The following CD8B variants were observed in gnomAD, a reference collection of about 807,000 sequenced individuals.
CD8B encodes the protein CD8 subunit beta.
In CD8B, 6 loss-of-function variants were observed where a neutral mutation model predicts 24.2. That is an observed-to-expected ratio of 0.25 (90% CI 0.14 to 0.49). The LOEUF is 0.49. CD8B is among the 20% of genes least tolerant of loss of function. CD8B has a pLI of 0.98. For synonymous variants in CD8B, 84 were observed against 108.3 expected, an observed-to-expected ratio of 0.78 and a Z score of 1.39; for missense variants, 196 against 271.3, an observed-to-expected ratio of 0.72 and a Z score of 1.95.
At chr2:86,848,270 C>T (rs1369019569) in intron 3 of CD8B, among the ~76,000 whole-genome samples, 8 of 152,184 alleles carry the variant, frequency 5.3e-5, no homozygotes, top group Non-Finnish European at 8.8e-5. Context: ...CCCTTGATAT[C>T]ATCAAAATGT....
chr2:86,836,402 C>T (rs10167692), downstream of CD8B, among the ~76,000 whole-genome samples: 22,421 of 152,012 alleles, frequency 0.15, 1,661 homozygotes, highest in East Asian at 0.21. Context: ...CAACTATGTC[C>T]ATCCTGGCCA....
rs146447863 is a variant in CD8B at position 86,843,066 on chromosome 2, G to A, written c.621-747C>T. On this transcript the variant is annotated intron_variant, in intron 5 of 5. Coordinates refer to ENST00000390655, the MANE Select transcript of CD8B (RefSeq NM_004931.5). ...GAGAGGGACTTACTTTCCATGAAAG[G>A]TCATCATGGGAGACATTTTGAAAGG... Among the ~76,000 whole-genome samples the A allele has an allele frequency of 1.9e-3, 290 of 152,236 alleles. 3 individuals are homozygous for A. Among genetic ancestry groups the A allele is most frequent in the African/African-American group, 6.7e-3 (279 of 41,534 alleles).
intron 5 of CD8B, among the ~76,000 whole-genome samples, chr2:86,826,047 C>T (rs574918781): frequency 2.0e-5 from 3 of 152,116 alleles, no homozygotes; most frequent in African/African-American, 7.2e-5. Context: ...CAAGCAGGCT[C>T]AGGTGCCCGT....
chr2:86,834,985 C>T (rs1439215768), downstream of CD8B, among the ~76,000 whole-genome samples: 3 of 150,892 alleles, frequency 2.0e-5, no homozygotes, highest in Non-Finnish European at 4.4e-5. Context: ...TGCACCCGCC[C>T]CACCAAATCG....
intron 4 of CD8B, 77 bp downstream of exon 4, chr2:86,846,607 C>T: frequency 1.5e-6 from 1 of 685,046 alleles, no homozygotes; most frequent in East Asian, 3.0e-5. Context: ...GCTCTGCTCC[C>T]CTAGAGAAGA....
intron 5 of CD8B, among the ~76,000 whole-genome samples, chr2:86,819,429 T>C (rs1674379612): frequency 6.6e-6 from 1 of 152,222 alleles, no homozygotes; most frequent in Admixed American, 6.5e-5. Flanking sequence ...CTGGTGACTT[T>C]AAGTTGAAGC....
chr2:86,851,024 G>A (rs1388689239), intron 3 of CD8B, among the ~76,000 whole-genome samples: 1 of 151,242 alleles, frequency 6.6e-6, no homozygotes, highest in Non-Finnish European at 1.5e-5. Context: ...CTGGGAGGCG[G>A]AGGTTGCAAT....
chr2:86,834,935 CAAAAA>C (rs59354571), downstream of CD8B, among the ~76,000 whole-genome samples: 1 of 93,956 alleles, frequency 1.1e-5, no homozygotes, highest in Non-Finnish European at 2.1e-5. Flanking sequence ...AACTCTGTCT[CAAAAA>C]AAAAAAAAAA....
intron 4 of CD8B, among the ~76,000 whole-genome samples, chr2:86,846,461 C>A (rs1042038169): frequency 6.6e-6 from 1 of 152,120 alleles, no homozygotes; most frequent in Non-Finnish European, 1.5e-5. Flanking sequence ...GAAACAGCCA[C>A]GTTGCACTCA....
downstream of CD8B, among the ~76,000 whole-genome samples, chr2:86,834,318 A>C (rs897690292): frequency 6.6e-6 from 1 of 151,678 alleles, no homozygotes; most frequent in African/African-American, 2.4e-5. Context: ...ATTTTTACTC[A>C]GTGACATTTG....
intron 5 of CD8B, among the ~76,000 whole-genome samples, chr2:86,831,423 A>T (rs755325024): frequency 3.9e-5 from 6 of 152,230 alleles, no homozygotes; most frequent in Admixed American, 6.5e-5. Flanking sequence ...TGTAATCCAC[A>T]TGTTCAAATG....
downstream of CD8B, among the ~76,000 whole-genome samples, chr2:86,834,317 C>G (rs1037781149): frequency 6.6e-6 from 1 of 151,584 alleles, no homozygotes. Context: ...CATTTTTACT[C>G]AGTGACATTT....
At chr2:86,850,885 G>A (rs1675941049) in intron 3 of CD8B, among the ~76,000 whole-genome samples, 1 of 152,092 alleles carries the variant, frequency 6.6e-6, no homozygotes, top group South Asian at 2.1e-4. Flanking sequence ...GAAGTCAGGA[G>A]CTCAAGACCA....
At chr2:86,848,723 T>TATTTATTTATTTATTC (rs1675818779) in intron 3 of CD8B, among the ~76,000 whole-genome samples, 1 of 103,800 alleles carries the variant, frequency 9.6e-6, no homozygotes. Context: ...TTTATTTATT[T>TATTTATTTATTTATTC]ATTTATTTTT....
chr2:86,848,715 T>TATTTAATTA (rs1175695385), intron 3 of CD8B, among the ~76,000 whole-genome samples: 1 of 98,254 alleles, frequency 1.0e-5, no homozygotes, highest in Admixed American at 1.1e-4. Flanking sequence ...TTTATTTATT[T>TATTTAATTA]ATTTATTTAT....
Position 86,846,749 on chromosome 2 carries a change from A to G in CD8B, c.518T>C (p.Leu173Pro). 1.9e-6 allele frequency: 3 copies of G among 1,583,800 alleles called. No homozygotes were observed. Among genetic ancestry groups the G allele is most frequent in the Non-Finnish European group, 2.6e-6 (3 of 1,164,244 alleles). The change falls in exon 4 of 6, where the codon CTT becomes CCT. Residue 173 changes from leucine to proline, a missense_variant. Physicochemically the swap from Leu to Pro is moderately conservative, Grantham distance 98. Transcript: ENST00000390655. Reference sequence around the variant, plus strand: ...CAGGACGCCAGCCACCAGCAGGCCAAGGGTGATGGGGCTACAAAGTGGGCC... The same window carrying G: ...CAGGACGCCAGCCACCAGCAGGCCAGGGGTGATGGGGCTACAAAGTGGGCC... Reference protein sequence around the residue: ...QKGPLCSPITLGLLVAGVLVL... With the variant: ...QKGPLCSPITPGLLVAGVLVL...
intron 3 of CD8B, among the ~76,000 whole-genome samples, chr2:86,852,288 G>A (rs1317300954): frequency 6.6e-6 from 1 of 152,208 alleles, no homozygotes; most frequent in African/African-American, 2.4e-5. Flanking sequence ...AGTTTAAAGT[G>A]CTGGTCCTTT....
intron 2 of CD8B, among the ~76,000 whole-genome samples, chr2:86,853,419 A>G (rs375796224): frequency 0.19 from 28,282 of 151,448 alleles, 2,707 homozygotes; most frequent in Admixed American, 0.22. Flanking sequence ...TCTGGCCTGG[A>G]CGACAGAGCA....
chr2:86,835,023 C>T (rs1437058549), downstream of CD8B, among the ~76,000 whole-genome samples: 2 of 151,940 alleles, frequency 1.3e-5, no homozygotes, highest in Non-Finnish European at 2.9e-5. Context: ...CACGCACAGG[C>T]GCACTCTGAA....
Sources: gnomAD v4.1 joint callset for allele counts (sites outside exome capture counted in the v4.1 genomes callset) on GRCh38, gnomAD v4.1.1 for gene constraint, MANE v1.5 for transcripts, NCBI Gene and HGNC (gene_info 2026-07-23, HGNC 2026-07-21) for gene names.